Variants in FRAS1 observed in about 807,000 individuals in gnomAD.
The protein encoded by FRAS1 is extracellular matrix organizing protein FRAS1.
A neutral mutation model predicts 435.2 loss-of-function variants in FRAS1; 290 were observed. The ratio of observed to expected loss-of-function variants is 0.67; its 90% CI spans 0.61 to 0.73. The LOEUF is 0.73. Among genes scored for constraint, FRAS1 ranks in the 30% least tolerant of loss-of-function variants. FRAS1 has a pLI of 0.00. For synonymous variants in FRAS1, 1,800 were observed against 1,851.0 expected, an observed-to-expected ratio of 0.97 and a Z score of 0.71; for missense variants, 4,860 against 5,001.5, an observed-to-expected ratio of 0.97 and a Z score of 0.85.
Position 78,395,965 on chromosome 4 carries a change from AT to A in FRAS1, c.3976-4760del, listed in dbSNP as rs957766225. ...TGCTGTTTGCCTTTGTGATTTGATG[AT>A]TTTTTTTTGTAGTGGTATGTTTTTA... On this transcript the variant is annotated intron_variant, in intron 29 of 73. Transcript: ENST00000512123. Among the ~76,000 whole-genome samples, 36 of 150,346 alleles carry A rather than the reference AT, an allele frequency of 2.4e-4. No individual in the cohort carries two copies. The East Asian group carries it at 3.3e-3, about 14-fold the overall frequency.
intron 14 of FRAS1, among the ~76,000 whole-genome samples, chr4:78,306,769 T>A (rs1004875211): frequency 1.3e-5 from 2 of 151,650 alleles, no homozygotes; most frequent in African/African-American, 4.8e-5. Flanking sequence ...TTCTTCTAAA[T>A]TTTTTTTTCA....
At chr4:78,178,747 C>T (rs760201632) in intron 2 of FRAS1, among the ~76,000 whole-genome samples, 52 of 152,218 alleles carry the variant, frequency 3.4e-4, no homozygotes, top group Middle Eastern at 3.4e-3. Context: ...AAACTAATTA[C>T]CTCTACAAAG....
chr4:78,484,467 T>C (rs1396156577), intron 58 of FRAS1, among the ~76,000 whole-genome samples: 3 of 152,218 alleles, frequency 2.0e-5, no homozygotes, highest in African/African-American at 7.2e-5. Flanking sequence ...ATTTTTCATT[T>C]TGAAGCAGCC....
At chr4:78,144,429 T>C (rs1285759912) in intron 2 of FRAS1, among the ~76,000 whole-genome samples, 1 of 151,642 alleles carries the variant, frequency 6.6e-6, no homozygotes, top group African/African-American at 2.4e-5. Flanking sequence ...TCCTGCCTTC[T>C]CATTTTTCTT....
intron 2 of FRAS1, among the ~76,000 whole-genome samples, chr4:78,216,616 TG>T (rs1410246899): frequency 6.6e-6 from 1 of 152,196 alleles, no homozygotes; most frequent in South Asian, 2.1e-4. Flanking sequence ...TTGTGGGCCC[TG>T]GCAGTTCAGC....
chr4:78,470,343 GTTTA>G (rs1294444649), intron 51 of FRAS1, among the ~76,000 whole-genome samples: 1 of 152,168 alleles, frequency 6.6e-6, no homozygotes, highest in Non-Finnish European at 1.5e-5. Flanking sequence ...CTAGATAGAA[GTTTA>G]TTTATTTTTT....
intron 18 of FRAS1, among the ~76,000 whole-genome samples, chr4:78,320,084 T>C (rs1033381046): frequency 5.3e-5 from 8 of 152,202 alleles, no homozygotes; most frequent in Non-Finnish European, 1.0e-4. Flanking sequence ...TACTCAGGTG[T>C]CCTGGAACAT....
At chr4:78,513,248 T>C in intron 64 of FRAS1, 144 bp from the exon 65 acceptor site, 1 of 720,044 alleles carries the variant, frequency 1.4e-6, no homozygotes, top group Non-Finnish European at 2.3e-6. Flanking sequence ...CCTGTTCAGA[T>C]AGAAATCCTA....
intron 25 of FRAS1, 111 bp from the exon 26 acceptor site, chr4:78,375,628 T>G (rs1731728276): frequency 1.2e-6 from 1 of 858,822 alleles, no homozygotes; most frequent in Non-Finnish European, 1.7e-6. Flanking sequence ...TTTGTTACAG[T>G]TGGGGCTCAT....
intron 6 of FRAS1, among the ~76,000 whole-genome samples, chr4:78,258,726 T>C (rs1437618545): frequency 6.7e-6 from 1 of 149,904 alleles, no homozygotes; most frequent in Non-Finnish European, 1.5e-5. Flanking sequence ...ATTATTATAC[T>C]TTAAGTTTTA....
At chr4:78,173,628 T>C (rs1266592241) in intron 2 of FRAS1, among the ~76,000 whole-genome samples, 1 of 152,244 alleles carries the variant, frequency 6.6e-6, no homozygotes, top group Non-Finnish European at 1.5e-5. Context: ...AGTTATTTCA[T>C]ACAGGTATTT....
intron 14 of FRAS1, among the ~76,000 whole-genome samples, chr4:78,307,780 G>C (rs889701246): frequency 2.0e-5 from 3 of 152,150 alleles, no homozygotes; most frequent in Admixed American, 2.0e-4. Context: ...AGATCAACCC[G>C]GTACCTCAGA....
chr4:78,176,837 A>G (rs1469174311), intron 2 of FRAS1, among the ~76,000 whole-genome samples: 1 of 152,270 alleles, frequency 6.6e-6, no homozygotes, highest in Non-Finnish European at 1.5e-5. Context: ...GCCTTGTAGC[A>G]TGTCAAGAAA....
intron 2 of FRAS1, among the ~76,000 whole-genome samples, chr4:78,096,013 T>C (rs757629672): frequency 7.2e-5 from 11 of 152,156 alleles, no homozygotes; most frequent in Non-Finnish European, 1.5e-4. Flanking sequence ...GCAAGTCCCT[T>C]CCGCCTATGA....
chr4:78,156,504 C>T (rs1036040969), intron 2 of FRAS1, among the ~76,000 whole-genome samples: 1 of 151,980 alleles, frequency 6.6e-6, no homozygotes, highest in Non-Finnish European at 1.5e-5. Context: ...GTGGCCAGAG[C>T]CAGCCCTCTG....
chr4:78,315,525 A>G (rs1729203545), intron 15 of FRAS1, 69 bp from the exon 16 acceptor site: 1 of 1,493,138 alleles, frequency 6.7e-7, no homozygotes, highest in Non-Finnish European at 9.0e-7. Context: ...GGATATTGTA[A>G]AGAATAGACT....
chr4:78,155,141 C>T (rs535109217), intron 2 of FRAS1, among the ~76,000 whole-genome samples: 2 of 152,252 alleles, frequency 1.3e-5, no homozygotes, highest in South Asian at 2.1e-4. Flanking sequence ...ATGGCTTGGC[C>T]ATGTTTGTAG....
At chr4:78,197,705 G>A (rs1011125236) in intron 2 of FRAS1, among the ~76,000 whole-genome samples, 5 of 152,172 alleles carry the variant, frequency 3.3e-5, no homozygotes, top group African/African-American at 1.2e-4. Context: ...ACTTTGGGAG[G>A]CTAAGGCGGG....
Position 78,438,728 on chromosome 4 carries a change from C to A in FRAS1, c.5366+10C>A, listed in dbSNP as rs775320116. 1 of 1,577,178 alleles carries A rather than the reference C, an allele frequency of 6.3e-7. No homozygotes were observed. The highest frequency in any genetic ancestry group is 1.2e-5 in the South Asian group (1 of 85,888). On this transcript the variant is annotated intron_variant, in intron 39 of 73. Coordinates refer to ENST00000512123, the MANE Select transcript of FRAS1 (RefSeq NM_025074.7). ...ATAACAAGAAAATCAGGTACATAAT[C>A]ACTTTGTATTATTTGACAGATTCTT...
Sources: allele counts gnomAD v4.1 joint callset (sites outside exome capture counted in the v4.1 genomes callset), GRCh38; gene constraint gnomAD v4.1.1; transcripts MANE v1.5; gene names NCBI Gene and HGNC (gene_info 2026-07-23, HGNC 2026-07-21).